FRMD6: variants seen among roughly 807,000 people sequenced by gnomAD.
FRMD6 encodes the protein FERM domain-containing protein 6.
Under a neutral mutation model 73.2 loss-of-function variants are expected in FRMD6, and 37 were observed. The ratio of observed to expected loss-of-function variants is 0.51; its 90% CI spans 0.39 to 0.66. The LOEUF (loss-of-function observed/expected upper bound fraction) is 0.66. FRMD6 is among the 30% of genes least tolerant of loss of function. FRMD6 has a pLI of 0.00. For synonymous variants in FRMD6, 273 were observed against 282.2 expected (o/e 0.97, Z 0.33); for missense variants, 714 against 780.5 (o/e 0.91, Z 1.02).
At chr14:51,490,190 C>T (rs193096125) in intron 1 of FRMD6, among the ~76,000 whole-genome samples, 177 of 152,280 alleles carry the variant, frequency 1.2e-3, no homozygotes, top group Admixed American at 3.3e-3. Context: ...TGGAGAAGAA[C>T]AAAGTGGAGT....
intron 2 of FRMD6, among the ~76,000 whole-genome samples, chr14:51,646,528 G>A (rs1411037213): frequency 6.6e-6 from 1 of 151,790 alleles, no homozygotes; most frequent in Non-Finnish European, 1.5e-5. Context: ...TGGGAGTGGA[G>A]GGAATTGCCT....
chr14:51,720,110 C>A lies in FRMD6; in HGVS notation c.1080C>A (p.Asp360Glu), dbSNP rs140214385. ...YISDNLDLDMDQLEKRSRASG... is the reference protein window; with the variant it reads ...YISDNLDLDMEQLEKRSRASG... Reference sequence around the variant, plus strand: ...GTGACAACCTGGACCTCGACATGGACCAGCTGGAAAAACGGTCGCGGGCCA... The same window carrying A: ...GTGACAACCTGGACCTCGACATGGAACAGCTGGAAAAACGGTCGCGGGCCA... The change falls in exon 11 of 14, where the codon GAC (aspartate) becomes GAA (glutamate). Residue 360 changes from aspartate to glutamate, a missense_variant. Physicochemically the swap from Asp to Glu is conservative, Grantham distance 45 (BLOSUM62 2). Coordinates refer to ENST00000344768, the MANE Select transcript of FRMD6 (RefSeq NM_001267046.2). The A allele has an allele frequency of 2.4e-5, 39 of 1,613,636 alleles. No homozygotes were observed. The African/African-American group carries it at 4.5e-4, about 19-fold the overall frequency.
chr14:51,535,994 G>A (rs564698550), intron 1 of FRMD6, among the ~76,000 whole-genome samples: 1 of 150,138 alleles, frequency 6.7e-6, no homozygotes, highest in South Asian at 2.1e-4. Context: ...CTTGTCATCT[G>A]TTTATTCTCC....
chr14:51,533,529 C>A (rs1885710991), intron 1 of FRMD6, among the ~76,000 whole-genome samples: 1 of 152,100 alleles, frequency 6.6e-6, no homozygotes, highest in South Asian at 2.1e-4. Context: ...TTATATAATT[C>A]CTGACCTAGT....
the FRMD6 span, among the ~76,000 whole-genome samples, chr14:51,481,338 A>G: frequency 1.3e-5 from 2 of 152,236 alleles, no homozygotes; most frequent in Non-Finnish European, 2.9e-5. Context: ...AGCATGTCTT[A>G]TATGGGGGCA....
chr14:51,506,456 A>G (rs1883968830), intron 1 of FRMD6, among the ~76,000 whole-genome samples: 2 of 152,256 alleles, frequency 1.3e-5, no homozygotes, highest in African/African-American at 4.8e-5. Context: ...GGGAGAAGAG[A>G]AAACAGTGAA....
the FRMD6 span, among the ~76,000 whole-genome samples, chr14:51,432,870 G>T: frequency 0.63 from 96,214 of 152,008 alleles, 30,668 homozygotes; most frequent in South Asian, 0.67. Flanking sequence ...CTGGGAGCCA[G>T]ATGTGAAAGT....
At chr14:51,656,119 T>TG (rs1892802910) in intron 1 of FRMD6, among the ~76,000 whole-genome samples, 1 of 152,212 alleles carries the variant, frequency 6.6e-6, no homozygotes, top group South Asian at 2.1e-4. Flanking sequence ...TCTCATTACT[T>TG]TATGCGATTT....
intron 1 of FRMD6, among the ~76,000 whole-genome samples, chr14:51,497,714 T>G (rs1043667547): frequency 4.6e-5 from 7 of 152,262 alleles, no homozygotes; most frequent in African/African-American, 1.7e-4. Flanking sequence ...TACTACATGT[T>G]TGAAACCCAG....
intron 1 of FRMD6, among the ~76,000 whole-genome samples, chr14:51,554,222 A>G (rs575272598): frequency 2.0e-5 from 3 of 152,242 alleles, no homozygotes; most frequent in Non-Finnish European, 4.4e-5. Context: ...CATTTGGATT[A>G]TATCTCAAAA....
the FRMD6 span, among the ~76,000 whole-genome samples, chr14:51,462,643 C>A: frequency 3.3e-5 from 5 of 152,134 alleles, no homozygotes; most frequent in Admixed American, 6.5e-5. Context: ...AATCCTGTAC[C>A]TGTAGATAAG....
intron 1 of FRMD6, among the ~76,000 whole-genome samples, chr14:51,666,438 T>A (rs1448668152): frequency 6.6e-6 from 1 of 152,232 alleles, no homozygotes; most frequent in Non-Finnish European, 1.5e-5. Context: ...AGCAGGAAAT[T>A]CAGATTTAAA....
chr14:51,651,501 A>G (rs1035907004), upstream of FRMD6: 4 of 152,100 alleles, frequency 2.6e-5, no homozygotes, highest in Non-Finnish European at 4.4e-5. Flanking sequence ...GGAGAAGGCC[A>G]CTCGGCCAGA....
chr14:51,660,029 C>CTG (rs1893104523), intron 1 of FRMD6, among the ~76,000 whole-genome samples: 1 of 152,188 alleles, frequency 6.6e-6, no homozygotes, highest in African/African-American at 2.4e-5. Context: ...AAGAATCGTG[C>CTG]TGTATCATTC....
chr14:51,467,750 G>T, the FRMD6 span, among the ~76,000 whole-genome samples: 2 of 150,720 alleles, frequency 1.3e-5, no homozygotes, highest in East Asian at 2.0e-4. Flanking sequence ...GGGCAGAGAC[G>T]CTCCTCACTT....
chr14:51,677,035 T>G (rs1438111808), intron 1 of FRMD6, among the ~76,000 whole-genome samples: 1 of 152,184 alleles, frequency 6.6e-6, no homozygotes, highest in Admixed American at 6.6e-5. Flanking sequence ...CTTAATGTTG[T>G]TTTTTGAGAT....
At chr14:51,556,975 C>T (rs923891251) in intron 1 of FRMD6, among the ~76,000 whole-genome samples, 4 of 152,076 alleles carry the variant, frequency 2.6e-5, no homozygotes, top group South Asian at 2.1e-4. Flanking sequence ...ACACTTATCA[C>T]GATGCTTTGC....
chr14:51,400,745 C>T, the FRMD6 span, among the ~76,000 whole-genome samples: 1 of 152,166 alleles, frequency 6.6e-6, no homozygotes, highest in African/African-American at 2.4e-5. Flanking sequence ...TAATGAAAGA[C>T]AGCCTACAGG....
At chr14:51,461,554 G>T in the FRMD6 span, among the ~76,000 whole-genome samples, 1 of 152,102 alleles carries the variant, frequency 6.6e-6, no homozygotes, top group African/African-American at 2.4e-5. Context: ...TGTCAATTAG[G>T]ACTATACTGA....
Sources: allele counts gnomAD v4.1 joint callset (sites outside exome capture counted in the v4.1 genomes callset), GRCh38; gene constraint gnomAD v4.1.1; transcripts MANE v1.5; gene names NCBI Gene and HGNC (gene_info 2026-07-23, HGNC 2026-07-21).